Variants in PRELID2 observed in about 807,000 individuals in gnomAD.
The protein encoded by PRELID2 is PRELI domain-containing protein 2.
PRELID2 carries 25 observed loss-of-function variants against 28.4 expected under a neutral mutation model. The ratio of observed to expected loss-of-function variants is 0.88; its 90% CI spans 0.64 to 1.23. PRELID2 has a LOEUF of 1.23. Among genes scored for constraint, PRELID2 ranks in the 50% most tolerant of loss-of-function variants. PRELID2 has a pLI of 0.00. For synonymous variants in PRELID2, 76 were observed against 71.6 expected (o/e 1.06, Z -0.31); for missense variants, 201 against 214.4 (o/e 0.94, Z 0.39).
chr5:145,628,884 G>A (rs781062517), intron 1 of PRELID2, among the ~76,000 whole-genome samples: 12 of 152,128 alleles, frequency 7.9e-5, no homozygotes, highest in Non-Finnish European at 1.5e-4. Flanking sequence ...CAGAATGAGT[G>A]GACTTCCTTT....
chr5:145,638,288 A>G (rs1754037209), intron 1 of PRELID2, among the ~76,000 whole-genome samples: 1 of 152,112 alleles, frequency 6.6e-6, no homozygotes, highest in East Asian at 1.9e-4. Flanking sequence ...CGGGCATTAC[A>G]ATATATTCTG....
At chr5:145,350,131 T>C in the PRELID2 span, among the ~76,000 whole-genome samples, 1 of 152,212 alleles carries the variant, frequency 6.6e-6, no homozygotes, top group Non-Finnish European at 1.5e-5. Flanking sequence ...AATTTTGTCA[T>C]CTGTAAAATG....
At chr5:145,831,436 G>C (rs1379126716) in intron 1 of PRELID2, among the ~76,000 whole-genome samples, 1 of 152,170 alleles carries the variant, frequency 6.6e-6, no homozygotes, top group Non-Finnish European at 1.5e-5. Context: ...ATTTGCACAA[G>C]GACACAGTAT....
chr5:145,813,368 A>G (rs1754081497), intron 4 of PRELID2, among the ~76,000 whole-genome samples: 1 of 152,184 alleles, frequency 6.6e-6, no homozygotes, highest in Non-Finnish European at 1.5e-5. Context: ...AATCCATGTC[A>G]AGAGCTAAGG....
chr5:145,278,250 T>C, the PRELID2 span, among the ~76,000 whole-genome samples: 2 of 152,288 alleles, frequency 1.3e-5, no homozygotes, highest in South Asian at 4.1e-4. Context: ...TATTGCTGTG[T>C]AATAATATTA....
chr5:145,625,293 C>T (rs985187884), intron 1 of PRELID2, among the ~76,000 whole-genome samples: 1 of 151,876 alleles, frequency 6.6e-6, no homozygotes, highest in African/African-American at 2.4e-5. Flanking sequence ...CTTCTTACAG[C>T]AAAAATCTAC....
intron 1 of PRELID2, among the ~76,000 whole-genome samples, chr5:145,603,262 G>A (rs1167594245): frequency 7.1e-6 from 1 of 141,192 alleles, no homozygotes; most frequent in African/African-American, 2.6e-5. Flanking sequence ...TAAATAAAAA[G>A]AAAAGGACAT....
At chr5:145,340,764 AATATACATATATAT>A in the PRELID2 span, among the ~76,000 whole-genome samples, 1 of 79,212 alleles carries the variant, frequency 1.3e-5, no homozygotes. Context: ...CCTGCCTAAA[AATATACATATATAT>A]ATATATATAT....
At chr5:145,337,733 TCACACACACACACA>T in the PRELID2 span, among the ~76,000 whole-genome samples, 1 of 96,072 alleles carries the variant, frequency 1.0e-5, no homozygotes, top group African/African-American at 4.1e-5. Context: ...ATATATATAC[TCACACACACACACA>T]CACACACACA....
intron 4 of PRELID2, among the ~76,000 whole-genome samples, chr5:145,816,723 T>A (rs762841748): frequency 1.7e-4 from 26 of 152,218 alleles, no homozygotes; most frequent in Non-Finnish European, 3.7e-4. Context: ...ATATTAACTG[T>A]TTTAAATCTA....
intron 1 of PRELID2, among the ~76,000 whole-genome samples, chr5:145,708,668 A>T (rs1755611784): frequency 6.6e-6 from 1 of 152,164 alleles, no homozygotes; most frequent in African/African-American, 2.4e-5. Flanking sequence ...GTTTTCCCCC[A>T]TTCTTGCCTG....
chr5:145,383,622 C>CA, the PRELID2 span, among the ~76,000 whole-genome samples: 43,857 of 126,858 alleles, frequency 0.35, 7,012 homozygotes, highest in East Asian at 0.69. Flanking sequence ...TGTCAGCATG[C>CA]AAAAAAAAAA....
At chr5:145,539,476 G>T (rs1043103464) in intron 1 of PRELID2, among the ~76,000 whole-genome samples, 9 of 152,012 alleles carry the variant, frequency 5.9e-5, no homozygotes, top group African/African-American at 2.2e-4. Context: ...TGAAATTTGA[G>T]AACTGTTGGA....
chr5:145,417,558 T>A, the PRELID2 span, among the ~76,000 whole-genome samples: 6 of 152,158 alleles, frequency 3.9e-5, no homozygotes, highest in Admixed American at 1.3e-4. Flanking sequence ...CATGATCAAG[T>A]TGGCTTCATC....
chr5:145,511,365 C>T (rs1752459483), intron 1 of PRELID2, among the ~76,000 whole-genome samples: 1 of 152,164 alleles, frequency 6.6e-6, no homozygotes, highest in South Asian at 2.1e-4. Context: ...TTATATCAGC[C>T]CAGTCATTAC....
At chr5:145,722,793 C>G (rs1756027484) in intron 1 of PRELID2, among the ~76,000 whole-genome samples, 1 of 152,176 alleles carries the variant, frequency 6.6e-6, no homozygotes, top group South Asian at 2.1e-4. Context: ...AGCCACCACA[C>G]CCGGCCCCAA....
intron 1 of PRELID2, among the ~76,000 whole-genome samples, chr5:145,550,889 T>A (rs1189839524): frequency 6.6e-6 from 1 of 152,178 alleles, no homozygotes; most frequent in Non-Finnish European, 1.5e-5. Flanking sequence ...CTCTTGGGGT[T>A]GCTATTTATA....
chr5:145,517,797 A>T (rs1356558983), intron 1 of PRELID2, among the ~76,000 whole-genome samples: 1 of 152,176 alleles, frequency 6.6e-6, no homozygotes, highest in Non-Finnish European at 1.5e-5. Flanking sequence ...TACACCATGG[A>T]ATACTATGCA....
the PRELID2 span, among the ~76,000 whole-genome samples, chr5:145,466,784 T>A: frequency 6.6e-6 from 1 of 152,036 alleles, no homozygotes; most frequent in Non-Finnish European, 1.5e-5. Context: ...CAATACTTAT[T>A]TCAGGGCCGC....
Sources: allele counts gnomAD v4.1 joint callset (sites outside exome capture counted in the v4.1 genomes callset), GRCh38; gene constraint gnomAD v4.1.1; transcripts MANE v1.5; gene names NCBI Gene and HGNC (gene_info 2026-07-23, HGNC 2026-07-21).